The following ULK2 variants were observed in gnomAD, a reference collection of about 807,000 sequenced individuals.
ULK2 encodes the protein unc-51 like autophagy activating kinase 2, also known as serine/threonine-protein kinase ULK2.
ULK2 carries 76 observed loss-of-function variants against 127.5 expected under a neutral mutation model. The ratio of observed to expected loss-of-function variants is 0.60; its 90% CI spans 0.50 to 0.72. The LOEUF is 0.72. Among genes scored for constraint, ULK2 ranks in the 30% least tolerant of loss-of-function variants. The probability of loss-of-function intolerance (pLI) is 0.00; values close to 1 mark genes in which losing one functional copy is unlikely to be tolerated. For missense variants in ULK2, 1,144 were observed against 1,295.9 expected (o/e 0.88, Z 1.80); for synonymous variants, 452 against 461.9 (o/e 0.98, Z 0.28).
At chr17:19,830,305 T>C (rs568831663) in intron 10 of ULK2, among the ~76,000 whole-genome samples, 7 of 152,038 alleles carry the variant, frequency 4.6e-5, no homozygotes, top group Non-Finnish European at 8.8e-5. Context: ...GCTGAAGTAA[T>C]CCCTCTTACC....
intron 3 of ULK2, among the ~76,000 whole-genome samples, chr17:19,864,389 C>T (rs911193733): frequency 1.3e-5 from 2 of 151,810 alleles, no homozygotes. Context: ...GCAGGAGAAT[C>T]GCTTAAACCC....
intron 20 of ULK2, among the ~76,000 whole-genome samples, chr17:19,791,436 G>A (rs1597719930): frequency 6.6e-6 from 1 of 152,116 alleles, no homozygotes; most frequent in African/African-American, 2.4e-5. Flanking sequence ...TATAATCCCA[G>A]GACTCTAGGA....
chr17:19,833,733 G>A (rs993196220), intron 10 of ULK2, among the ~76,000 whole-genome samples: 1 of 152,128 alleles, frequency 6.6e-6, no homozygotes, highest in Non-Finnish European at 1.5e-5. Context: ...AATCAGCAAG[G>A]CTGAGAACAG....
Position 19,783,769 on chromosome 17 carries a change from A to G in ULK2, c.2388T>C (p.Gly796=), listed in dbSNP as rs1172828447. Residue 796 remains glycine (G), a synonymous_variant, in exon 22 of 27, where the codon GGT becomes GGC. Transcript: ENST00000395544. The stretch of plus-strand genomic sequence containing the variant: ...GCCCCTCTAGGCTGGGGGGTGAAGC[A>G]CCGTAAGGCACGTATCTCAGGCTGG... ...AAPSLRYVPY[G]ASPPSLEGLI... 6.2e-7 allele frequency: 1 copy of G among 1,601,432 alleles called. No homozygotes were observed. The highest frequency in any genetic ancestry group is 2.3e-5 in the East Asian group (1 of 44,234).
chr17:19,830,799 A>T (rs1446096847), intron 10 of ULK2, among the ~76,000 whole-genome samples: 1 of 152,114 alleles, frequency 6.6e-6, no homozygotes, highest in African/African-American at 2.4e-5. Context: ...AGCCCCAGGC[A>T]GCCTGATCGC....
Position 19,809,628 on chromosome 17 carries a change from G to A in ULK2, c.1157+750C>T, listed in dbSNP as rs984036153. 4.0e-5 allele frequency among the ~76,000 whole-genome samples: 6 copies of A among 151,708 alleles called. No individual in the cohort carries two copies. The East Asian group carries it at 5.8e-4, about 15-fold the overall frequency. On this transcript the variant is annotated intron_variant, in intron 14 of 26. Coordinates refer to ENST00000395544, the MANE Select transcript of ULK2 (RefSeq NM_014683.4). ...CGTACCTGTAATCCCATCTACTCAG[G>A]AGGCTGAGGCAGGAGAATCACTTGA...
At chr17:19,828,409 C>G (rs1164056655) in intron 10 of ULK2, among the ~76,000 whole-genome samples, 2 of 152,078 alleles carry the variant, frequency 1.3e-5, no homozygotes, top group Non-Finnish European at 2.9e-5. Context: ...TCACTTTCTA[C>G]AGAGTTTAAA....
At chr17:19,790,828 A>C (rs1174691644) in intron 20 of ULK2, among the ~76,000 whole-genome samples, 1 of 152,244 alleles carries the variant, frequency 6.6e-6, no homozygotes, top group Non-Finnish European at 1.5e-5. Flanking sequence ...GATACTCCAC[A>C]CAATGGAAAC....
At chr17:19,799,667 C>A in intron 16 of ULK2, 92 bp from the exon 17 acceptor site, 1 of 1,250,188 alleles carries the variant, frequency 8.0e-7, no homozygotes, top group Non-Finnish European at 1.1e-6. Context: ...GCACAAATTG[C>A]ACAGTAAACT....
At chr17:19,804,575 C>T (rs898237725) in intron 15 of ULK2, 118 bp downstream of exon 15, 125 of 1,076,942 alleles carry the variant, frequency 1.2e-4, no homozygotes, top group Non-Finnish European at 1.2e-4. Context: ...TTTGTGCGTT[C>T]CCATTATACA....
At chr17:19,779,388 T>G (rs990179540) in intron 25 of ULK2, among the ~76,000 whole-genome samples, 1 of 151,860 alleles carries the variant, frequency 6.6e-6, no homozygotes, top group South Asian at 2.1e-4. Flanking sequence ...AAAAATTAGC[T>G]GGGTGTGGTG....
intron 3 of ULK2, among the ~76,000 whole-genome samples, chr17:19,857,508 G>A (rs1267655189): frequency 6.6e-6 from 1 of 152,026 alleles, no homozygotes; most frequent in Admixed American, 6.6e-5. Flanking sequence ...AAAATGATGA[G>A]AATGGTGTTC....
At chr17:19,864,472 CAAA>C (rs201190960) in intron 3 of ULK2, among the ~76,000 whole-genome samples, 1 of 136,288 alleles carries the variant, frequency 7.3e-6, no homozygotes, top group Non-Finnish European at 1.6e-5. Context: ...GAGACTCCAT[CAAA>C]AAAAAAAAAA....
intron 7 of ULK2, among the ~76,000 whole-genome samples, chr17:19,844,463 C>G (rs1001126078): frequency 1.3e-5 from 2 of 152,088 alleles, no homozygotes; most frequent in Non-Finnish European, 2.9e-5. Flanking sequence ...TAGTAAATTT[C>G]TTATTAAGTC....
At chr17:19,852,756 G>A (rs961748344) in intron 3 of ULK2, among the ~76,000 whole-genome samples, 2 of 149,308 alleles carry the variant, frequency 1.3e-5, no homozygotes, top group Non-Finnish European at 3.0e-5. Flanking sequence ...TCAGTCTCCC[G>A]AGTAGCTGGG....
intron 9 of ULK2, chr17:19,840,368 AC>A: frequency 1.9e-6 from 1 of 521,038 alleles, no homozygotes; most frequent in South Asian, 1.5e-5. Context: ...CTAATTTCAG[AC>A]CCACTCCTAA....
At chr17:19,809,732 C>CGAAAAAAAA (rs750626905) in intron 14 of ULK2, among the ~76,000 whole-genome samples, 1 of 90,500 alleles carries the variant, frequency 1.1e-5, no homozygotes, top group Non-Finnish European at 2.0e-5. Flanking sequence ...GACTCCGTCT[C>CGAAAAAAAA]AAAAAAAAAA....
intron 3 of ULK2, among the ~76,000 whole-genome samples, chr17:19,855,073 C>A (rs2042095211): frequency 1.4e-5 from 2 of 144,522 alleles, no homozygotes; most frequent in Non-Finnish European, 1.5e-5. Flanking sequence ...GTACTCCAGA[C>A]TTGGCAAAAG....
intron 11 of ULK2, 41 bp downstream of exon 11, chr17:19,826,098 C>T (rs1344954883): frequency 1.9e-5 from 23 of 1,219,378 alleles, no homozygotes; most frequent in Non-Finnish European, 2.2e-5. Context: ...CTAAAGCTTG[C>T]ATTCATTCTT....
Sources: gnomAD v4.1 joint callset for allele counts (sites outside exome capture counted in the v4.1 genomes callset) on GRCh38, gnomAD v4.1.1 for gene constraint, MANE v1.5 for transcripts, NCBI Gene and HGNC (gene_info 2026-07-23, HGNC 2026-07-21) for gene names.